The following G2E3 variants were observed in gnomAD, a reference collection of about 807,000 sequenced individuals.
G2E3 encodes G2/M phase-specific E3 ubiquitin-protein ligase.
In G2E3, 35 loss-of-function variants were observed where a neutral mutation model predicts 92.8. The ratio of observed to expected loss-of-function variants is 0.38; its 90% CI spans 0.29 to 0.50. The LOEUF is 0.50. Among genes scored for constraint, G2E3 ranks in the 20% least tolerant of loss-of-function variants. The pLI is 0.94. For missense variants in G2E3, 554 were observed against 823.8 expected (o/e 0.67, Z 4.01); for synonymous variants, 242 against 272.4 (o/e 0.89, Z 1.10).
intron 10 of G2E3, 52 bp downstream of exon 10, chr14:30,602,183 T>C: frequency 1.5e-6 from 2 of 1,353,760 alleles, no homozygotes; most frequent in Non-Finnish European, 2.1e-6. Flanking sequence ...GAGAAAATTA[T>C]GATAGGAAAT....
At chr14:30,588,152 C>A (rs868006608) in intron 3 of G2E3, among the ~76,000 whole-genome samples, 8 of 150,986 alleles carry the variant, frequency 5.3e-5, no homozygotes, top group African/African-American at 1.7e-4. Flanking sequence ...AAGTTACAGA[C>A]GATTATGTTT....
At chr14:30,582,791 G>A (rs1225560926) in intron 2 of G2E3, among the ~76,000 whole-genome samples, 1 of 152,144 alleles carries the variant, frequency 6.6e-6, no homozygotes, top group Admixed American at 6.5e-5. Context: ...GAGATACTTC[G>A]AGTTATGACT....
intron 12 of G2E3, among the ~76,000 whole-genome samples, chr14:30,608,438 G>A (rs767423001): frequency 6.6e-6 from 1 of 152,168 alleles, no homozygotes; most frequent in African/African-American, 2.4e-5. Flanking sequence ...GATGGAGGCC[G>A]ATGGGTCTGA....
chr14:30,601,098 A>G (rs1209700209), intron 8 of G2E3, among the ~76,000 whole-genome samples: 2 of 152,176 alleles, frequency 1.3e-5, no homozygotes, highest in East Asian at 1.9e-4. Flanking sequence ...GATGATATCT[A>G]GTTACCTCTC....
intron 4 of G2E3, chr14:30,590,871 C>G (rs150947250): frequency 3.1e-6 from 1 of 326,996 alleles, no homozygotes; most frequent in African/African-American, 2.2e-5. Flanking sequence ...TTGAATATCC[C>G]TTATCCAAAA....
Position 30,593,572 on chromosome 14 carries a change from T to C in G2E3, c.461T>C (p.Ile154Thr). 2 of 1,602,268 alleles carry C rather than the reference T, an allele frequency of 1.2e-6. No individual in the cohort carries two copies. Among genetic ancestry groups the C allele is most frequent in the Non-Finnish European group, 1.7e-6 (2 of 1,169,682 alleles). ...CTICLEFIEP[I>T]PSYNILRSPC... ...ATTTGCTTGGAATTTATTGAGCCTA[T>C]TCCAAGTTATAACATATTACGAAGT... Residue 154 changes from isoleucine (I) to threonine (T), a missense_variant, in exon 6 of 15, where the codon ATT (isoleucine) becomes ACT (threonine). Ile to Thr is a moderately conservative substitution (Grantham distance 89, BLOSUM62 -1). Transcript: ENST00000206595.
intron 1 of G2E3, among the ~76,000 whole-genome samples, chr14:30,577,356 G>A (rs1371017565): frequency 5.9e-5 from 9 of 152,010 alleles, no homozygotes; most frequent in East Asian, 1.9e-4. Context: ...ATCTGTTGTC[G>A]TGTAACAGAT....
chr14:30,601,768 A>G lies in G2E3; in HGVS notation c.753-2A>G. 6.2e-7 allele frequency: 1 copy of G among 1,613,994 alleles called. No individual in the cohort carries two copies. Among genetic ancestry groups the G allele is most frequent in the Non-Finnish European group, 8.5e-7 (1 of 1,179,908 alleles). ...AAGTTCTGCTTTTCTTTGTGTCCTCAGCAAATGGGAAATAAAGCGCTGTCA... is the reference window on the plus strand; with the variant it reads ...AAGTTCTGCTTTTCTTTGTGTCCTCGGCAAATGGGAAATAAAGCGCTGTCA... On this transcript the variant is annotated splice_acceptor_variant, in intron 8 of 14. Coordinates refer to ENST00000206595, the MANE Select transcript of G2E3 (RefSeq NM_017769.5). LOFTEE classifies it high-confidence loss of function.
rs1882458602 is a variant in G2E3 at position 30,619,355 on chromosome 14, A to G, written c.*2821A>G. The G allele has an allele frequency of 6.6e-6, 1 of 152,114 alleles. No homozygotes were observed. The highest frequency in any genetic ancestry group is 2.4e-5 in the African/African-American group (1 of 41,462). 9.4% of individuals were successfully genotyped at this position (152,114 alleles called of 1,614,324 possible). On this transcript the variant is annotated 3_prime_UTR_variant, in exon 15 of 15. Transcript: ENST00000206595. ...TAAGTCAAGGGGAGTATATTAGGTA[A>G]GTTTTTTCAGTGACTGTGCCTTTAG...
chr14:30,579,434 A>G (rs931405652), intron 1 of G2E3, among the ~76,000 whole-genome samples: 1 of 152,220 alleles, frequency 6.6e-6, no homozygotes, highest in African/African-American at 2.4e-5. Context: ...AAGCACAGAA[A>G]TATATATGAG....
At position 30,608,081 on chromosome 14, in the gene G2E3, A is replaced by G. The variant is rs780476529; in HGVS notation, c.1500+12A>G. 1.9e-5 allele frequency: 29 copies of G among 1,498,120 alleles called. No homozygotes were observed. The highest frequency in any genetic ancestry group is 5.2e-5 in the South Asian group (4 of 77,466). 92.8% of individuals were successfully genotyped at this position (1,498,120 alleles called of 1,614,324 possible). On this transcript the variant is annotated intron_variant, in intron 12 of 14. Transcript: ENST00000206595. Reference sequence around the variant, plus strand: ...AGATTATAATCAGGGTAAGCAATGTATCTGTTTATTAAAATGCACACTACA... The same window carrying G: ...AGATTATAATCAGGGTAAGCAATGTGTCTGTTTATTAAAATGCACACTACA...
intron 1 of G2E3, among the ~76,000 whole-genome samples, chr14:30,564,748 T>C (rs1879332441): frequency 6.6e-6 from 1 of 152,222 alleles, no homozygotes; most frequent in South Asian, 2.1e-4. Flanking sequence ...ACTTCCCTCA[T>C]TTAATATAAT....
intron 12 of G2E3, among the ~76,000 whole-genome samples, chr14:30,610,102 C>G (rs1030639931): frequency 9.2e-5 from 14 of 152,280 alleles, no homozygotes; most frequent in African/African-American, 3.1e-4. Flanking sequence ...AAGACCTTCA[C>G]CTCTCTTCAT....
intron 8 of G2E3, among the ~76,000 whole-genome samples, chr14:30,599,318 C>G (rs558118875): frequency 6.6e-6 from 1 of 152,148 alleles, no homozygotes; most frequent in South Asian, 2.1e-4. Flanking sequence ...ACCTCTGCCT[C>G]CCGGGTTCAA....
intron 1 of G2E3, among the ~76,000 whole-genome samples, chr14:30,562,661 A>C (rs547155755): frequency 2.0e-5 from 3 of 152,142 alleles, no homozygotes; most frequent in Admixed American, 6.5e-5. Flanking sequence ...GGAGGGCCTG[A>C]CACCAGTCAG....
At chr14:30,612,066 TAGA>T (rs968777890) in intron 12 of G2E3, 138 bp from the exon 13 acceptor site, 23 of 598,932 alleles carry the variant, frequency 3.8e-5, no homozygotes, top group Non-Finnish European at 6.5e-5. Flanking sequence ...ACATTTATTC[TAGA>T]AGAATATTTC....
intron 12 of G2E3, among the ~76,000 whole-genome samples, chr14:30,610,689 T>A (rs182042182): frequency 4.5e-4 from 69 of 152,292 alleles, no homozygotes; most frequent in African/African-American, 1.6e-3. Context: ...ATATACAAGT[T>A]AGGTTTTAGG....
intron 1 of G2E3, among the ~76,000 whole-genome samples, chr14:30,575,939 G>A (rs766371738): frequency 6.6e-6 from 1 of 152,068 alleles, no homozygotes; most frequent in East Asian, 1.9e-4. Flanking sequence ...AATGGCTATT[G>A]TGCCCAAAAC....
Position 30,609,035 on chromosome 14 carries a change from T to A in G2E3, c.1500+966T>A, listed in dbSNP as rs11622127. ...ATTTTACTTTGAATGCCAACTCTTATAACTACTATATGTTGTGTCACTTTG... is the reference window on the plus strand; with the variant it reads ...ATTTTACTTTGAATGCCAACTCTTAAAACTACTATATGTTGTGTCACTTTG... On this transcript the variant is annotated intron_variant, in intron 12 of 14. Transcript: ENST00000206595. Among the ~76,000 whole-genome samples the A allele has an allele frequency of 7.4e-3, 1,132 of 152,338 alleles. 9 individuals are homozygous for A. Among genetic ancestry groups the A allele is most frequent in the Middle Eastern group, 0.048 (14 of 294 alleles).
Sources: gnomAD v4.1 joint callset for allele counts (sites outside exome capture counted in the v4.1 genomes callset) on GRCh38, gnomAD v4.1.1 for gene constraint, MANE v1.5 for transcripts, NCBI Gene and HGNC (gene_info 2026-07-23, HGNC 2026-07-21) for gene names.